Variants in ABCC4 observed in about 807,000 individuals in gnomAD.
The protein encoded by ABCC4 is ATP-binding cassette sub-family C member 4.
Under a neutral mutation model 168.5 loss-of-function variants are expected in ABCC4, and 102 were observed. That is an observed-to-expected ratio of 0.61 (90% CI 0.52 to 0.71). ABCC4 has a LOEUF of 0.71. ABCC4 is among the 30% of genes least tolerant of loss of function. The probability of loss-of-function intolerance (pLI) is 0.00; values close to 1 mark genes in which losing one functional copy is unlikely to be tolerated. For synonymous variants in ABCC4, 617 were observed against 590.7 expected (o/e 1.04, Z -0.65); for missense variants, 1,402 against 1,605.8 (o/e 0.87, Z 2.17).
intron 20 of ABCC4, among the ~76,000 whole-genome samples, chr13:95,105,759 C>T (rs2139385415): frequency 6.6e-6 from 1 of 152,240 alleles, no homozygotes; most frequent in South Asian, 2.1e-4. Flanking sequence ...CTCCCAACAG[C>T]ATAGCTTGGA....
chr13:95,183,731 G>A (rs1337978895), intron 11 of ABCC4, among the ~76,000 whole-genome samples: 1 of 152,168 alleles, frequency 6.6e-6, no homozygotes, highest in Non-Finnish European at 1.5e-5. Context: ...GGTCAACACA[G>A]CAAAACCCCA....
chr13:95,045,993 G>A (rs1300193409), intron 27 of ABCC4, among the ~76,000 whole-genome samples: 2 of 152,180 alleles, frequency 1.3e-5, no homozygotes, highest in African/African-American at 4.8e-5. Context: ...TGCAAGGTAG[G>A]AAATTAAAAT....
chr13:95,159,916 C>T (rs534399608), intron 19 of ABCC4, among the ~76,000 whole-genome samples: 1 of 152,322 alleles, frequency 6.6e-6, no homozygotes, highest in East Asian at 1.9e-4. Context: ...TTCACAGATA[C>T]ATGGCTTCAT....
At chr13:95,233,511 G>A (rs1011345017) in intron 4 of ABCC4, among the ~76,000 whole-genome samples, 1 of 151,964 alleles carries the variant, frequency 6.6e-6, no homozygotes. Flanking sequence ...TGGGAGAGAG[G>A]GAATGCGGCA....
intron 1 of ABCC4, among the ~76,000 whole-genome samples, chr13:95,279,546 T>C (rs1364036838): frequency 6.6e-6 from 1 of 152,158 alleles, no homozygotes; most frequent in Admixed American, 6.6e-5. Context: ...GTGATCAGAA[T>C]GACAGCGCTG....
intron 4 of ABCC4, among the ~76,000 whole-genome samples, chr13:95,213,884 A>G (rs1333464513): frequency 1.3e-5 from 2 of 152,214 alleles, no homozygotes; most frequent in Non-Finnish European, 2.9e-5. Context: ...TGTTCAACAT[A>G]GTAAAACAAT....
intron 1 of ABCC4, among the ~76,000 whole-genome samples, chr13:95,268,818 G>A (rs1042357184): frequency 2.0e-5 from 3 of 152,060 alleles, no homozygotes; most frequent in African/African-American, 7.2e-5. Flanking sequence ...AATAAATACT[G>A]AGGGAACTCA....
chr13:95,138,174 C>T (rs980493756), intron 19 of ABCC4, among the ~76,000 whole-genome samples: 1 of 152,116 alleles, frequency 6.6e-6, no homozygotes, highest in Non-Finnish European at 1.5e-5. Flanking sequence ...TACTGCAATT[C>T]CACTTTTTAA....
chr13:95,295,396 G>A (rs958167723), intron 1 of ABCC4, among the ~76,000 whole-genome samples: 17 of 151,780 alleles, frequency 1.1e-4, no homozygotes, highest in Admixed American at 4.6e-4. Flanking sequence ...ACAGTGGCTC[G>A]CCCCCGTAAT....
chr13:95,161,301 T>G lies in ABCC4; in HGVS notation c.2343A>C (p.Ala781=). The G allele has an allele frequency of 6.3e-7, 1 of 1,597,928 alleles. No individual in the cohort carries two copies. Among genetic ancestry groups the G allele is most frequent in the Non-Finnish European group, 8.5e-7 (1 of 1,175,850 alleles). The change falls in exon 19 of 31, where the codon GCA becomes GCC. Residue 781 remains alanine, a synonymous_variant. Coordinates refer to ENST00000645237, the MANE Select transcript of ABCC4 (RefSeq NM_005845.5). ...GGACGTAGAATACCAATAGAGATCT[T>G]GCTATGCCAAAAAGAACGGTAGCTA... The part of the protein sequence containing the change: ...LTVATVLFGI[A]RSLLVFYVLV...
chr13:95,193,269 C>A (rs1385221288), intron 9 of ABCC4, among the ~76,000 whole-genome samples: 1 of 152,224 alleles, frequency 6.6e-6, no homozygotes, highest in Non-Finnish European at 1.5e-5. Context: ...CGCTACAACG[C>A]AAGGTCAGCC....
At chr13:95,153,603 T>A (rs1594192360) in intron 19 of ABCC4, among the ~76,000 whole-genome samples, 1 of 152,222 alleles carries the variant, frequency 6.6e-6, no homozygotes, top group Non-Finnish European at 1.5e-5. Flanking sequence ...ATTATCACTT[T>A]GAACAAAGCA....
At chr13:95,192,007 T>G (rs1244882980) in intron 9 of ABCC4, among the ~76,000 whole-genome samples, 7 of 152,158 alleles carry the variant, frequency 4.6e-5, no homozygotes, top group Non-Finnish European at 8.8e-5. Flanking sequence ...CAAGACACAC[T>G]AAGGCAGGCA....
At position 95,253,892 on chromosome 13, in the gene ABCC4, G is replaced by A. The variant is rs534617411; in HGVS notation, c.75-6139C>T. ...TCTCATGCAAATTTTTGTATAAAGT[G>A]GATTTTTCTCTTTTTTTTGAGACAG... is the stretch of plus-strand genomic sequence containing the variant. On this transcript the variant is annotated intron_variant, in intron 1 of 30. Transcript: ENST00000645237. Among the ~76,000 whole-genome samples, 3 of 152,112 alleles carry A rather than the reference G, an allele frequency of 2.0e-5. No individual in the cohort carries two copies. The East Asian group carries it at 5.8e-4, about 29-fold the overall frequency.
intron 9 of ABCC4, among the ~76,000 whole-genome samples, chr13:95,193,651 C>T (rs145579962): frequency 5.4e-4 from 83 of 152,356 alleles, no homozygotes; most frequent in African/African-American, 1.9e-3. Flanking sequence ...GTGAGCGTAA[C>T]CGCAGAACCA....
intron 21 of ABCC4, among the ~76,000 whole-genome samples, chr13:95,077,981 G>A (rs2139321695): frequency 6.6e-6 from 1 of 152,300 alleles, no homozygotes; most frequent in Non-Finnish European, 1.5e-5. Context: ...GGAAGCCCTG[G>A]GTTGGGGAAA....
rs562707713 is a variant in ABCC4, at chr13:95,203,150, T to C, written c.1161+3382A>G. Among the ~76,000 whole-genome samples the C allele has an allele frequency of 1.1e-4, 16 of 152,328 alleles. No individual in the cohort carries two copies. The East Asian group carries it at 2.7e-3, about 26-fold the overall frequency. On this transcript the variant is annotated intron_variant, in intron 8 of 30. Coordinates refer to ENST00000645237, the MANE Select transcript of ABCC4 (RefSeq NM_005845.5). ...GGCACTTGGGCCCCTCCTTGTTACCTAGTGGGTACTCACCAGCTATTACCT... is the reference window on the plus strand; with the variant it reads ...GGCACTTGGGCCCCTCCTTGTTACCCAGTGGGTACTCACCAGCTATTACCT...
rs527491963 is a variant in ABCC4, at chr13:95,102,631, C to T, written c.2535+13291G>A. 3.3e-5 allele frequency among the ~76,000 whole-genome samples: 4 copies of T among 119,570 alleles called. No homozygotes were observed. In the East Asian group the frequency reaches 1.0e-3, roughly 31 times the overall value. The allele number at this position is 119,570 out of a possible 152,430, so 78.4% of individuals were successfully genotyped here. A position where few individuals can be genotyped will look rare whatever the true frequency, so the allele number is the denominator to read the frequency against. On this transcript the variant is annotated intron_variant, in intron 20 of 30. Coordinates refer to ENST00000645237, the MANE Select transcript of ABCC4 (RefSeq NM_005845.5). ...TTTACTTACAAGTGATATCTAGTCA[C>T]ACCTTTTTTTTTTTTAGATCGAGTC... is the stretch of plus-strand genomic sequence containing the variant.
At chr13:95,076,813 G>A (rs1220562594) in intron 21 of ABCC4, among the ~76,000 whole-genome samples, 2 of 152,064 alleles carry the variant, frequency 1.3e-5, no homozygotes, top group Non-Finnish European at 2.9e-5. Flanking sequence ...GAGGCTGGGT[G>A]CAGTGGTGTG....
Sources: gnomAD v4.1 joint callset for allele counts (sites outside exome capture counted in the v4.1 genomes callset) on GRCh38, gnomAD v4.1.1 for gene constraint, MANE v1.5 for transcripts, NCBI Gene and HGNC (gene_info 2026-07-23, HGNC 2026-07-21) for gene names.